CXADR: variants seen among roughly 807,000 people sequenced by gnomAD.
The protein encoded by CXADR is CXADR cell adhesion molecule, also known as coxsackievirus and adenovirus receptor.
In CXADR, 20 loss-of-function variants were observed where a neutral mutation model predicts 40.3. That is an observed-to-expected ratio of 0.50 (90% CI 0.35 to 0.72). The LOEUF (loss-of-function observed/expected upper bound fraction) is 0.72. CXADR is among the 30% of genes least tolerant of loss of function. The pLI, the probability that CXADR is intolerant of heterozygous loss-of-function variation, is 0.01. For missense variants in CXADR, 332 were observed against 449.1 expected, an observed-to-expected ratio of 0.74 and a Z score of 2.36; for synonymous variants, 150 against 161.3, an observed-to-expected ratio of 0.93 and a Z score of 0.53.
chr21:17,531,182 C>G (rs1461479275), intron 1 of CXADR, among the ~76,000 whole-genome samples: 1 of 151,910 alleles, frequency 6.6e-6, no homozygotes, highest in Non-Finnish European at 1.5e-5. Flanking sequence ...GCCTATAATC[C>G]CAGCTATTCA....
chr21:17,623,660 A>G, the CXADR span, among the ~76,000 whole-genome samples: 4 of 152,218 alleles, frequency 2.6e-5, no homozygotes, highest in Non-Finnish European at 5.9e-5. Context: ...CATTTCATAC[A>G]TAACATGTCC....
chr21:17,579,877 A>G (rs2123376976), intron 7 of CXADR, among the ~76,000 whole-genome samples: 1 of 138,464 alleles, frequency 7.2e-6, no homozygotes, highest in Non-Finnish European at 1.6e-5. Flanking sequence ...TTCCTGTTGT[A>G]TTTTATTAAA....
chr21:17,606,026 G>C, the CXADR span, among the ~76,000 whole-genome samples: 3 of 152,132 alleles, frequency 2.0e-5, no homozygotes, highest in Non-Finnish European at 4.4e-5. Flanking sequence ...TTATTAGTTG[G>C]TTTTAATTTC....
the CXADR span, among the ~76,000 whole-genome samples, chr21:17,622,471 G>A: frequency 6.6e-6 from 1 of 152,102 alleles, no homozygotes; most frequent in Non-Finnish European, 1.5e-5. Context: ...AAAAAGACAT[G>A]TCTATACCTA....
intron 7 of CXADR, among the ~76,000 whole-genome samples, chr21:17,578,839 A>G (rs1569153292): frequency 6.6e-6 from 1 of 152,122 alleles, no homozygotes; most frequent in African/African-American, 2.4e-5. Flanking sequence ...AAATTAAGAA[A>G]TCTAAGGAAG....
Position 17,513,170 on chromosome 21 carries a change from T to TG in CXADR, c.43+1dup, listed in dbSNP as rs768722434. 1.5e-6 allele frequency: 2 copies of TG among 1,363,036 alleles called. No homozygotes were observed. Among genetic ancestry groups the TG allele is most frequent in the South Asian group, 4.0e-5 (2 of 50,544 alleles). 84.4% of individuals were successfully genotyped at this position (1,363,036 alleles called of 1,614,324 possible). ...TGCTTCGTGCTCCTGTGCGGAGTAG[T>TG]GGGTGAGTAGGGGCCATGGGGTCCT... On this transcript the variant is annotated frameshift_variant and splice_region_variant, in exon 1 of 7. Transcript: ENST00000284878. LOFTEE classifies it high-confidence loss of function.
chr21:17,621,002 C>T, the CXADR span, among the ~76,000 whole-genome samples: 4 of 152,292 alleles, frequency 2.6e-5, no homozygotes, highest in Admixed American at 2.6e-4. Context: ...GGCAGAATTT[C>T]TTCTCTAAAA....
chr21:17,535,063 T>C (rs1026738188), intron 1 of CXADR, among the ~76,000 whole-genome samples: 2 of 151,720 alleles, frequency 1.3e-5, no homozygotes, highest in Admixed American at 1.3e-4. Context: ...ATTATAGGCA[T>C]GAGCCACCGC....
chr21:17,550,874 T>G (rs2060958611), intron 2 of CXADR, among the ~76,000 whole-genome samples: 1 of 152,262 alleles, frequency 6.6e-6, no homozygotes, highest in African/African-American at 2.4e-5. Flanking sequence ...AAAGGACTTG[T>G]TAACCTGGGT....
At chr21:17,600,454 G>A in the CXADR span, among the ~76,000 whole-genome samples, 23 of 152,118 alleles carry the variant, frequency 1.5e-4, no homozygotes, top group Admixed American at 1.0e-3. Context: ...GATAGCACTC[G>A]TCTCAAATTA....
chr21:17,630,905 AG>A, the CXADR span, among the ~76,000 whole-genome samples: 4 of 152,122 alleles, frequency 2.6e-5, no homozygotes. Context: ...GAAAAGAGGA[AG>A]GAAGTGCAGA....
At chr21:17,577,143 C>A (rs111574631) in intron 7 of CXADR, among the ~76,000 whole-genome samples, 1,934 of 151,632 alleles carry the variant, frequency 0.013, 40 homozygotes, top group African/African-American at 0.042. Context: ...CAGAGTGAGA[C>A]CCTGTCTCAA....
chr21:17,522,683 C>G (rs2060547022), intron 1 of CXADR, among the ~76,000 whole-genome samples: 1 of 152,202 alleles, frequency 6.6e-6, no homozygotes, highest in Admixed American at 6.5e-5. Context: ...TGAACAGTTT[C>G]TTTCTGCTCT....
At chr21:17,605,629 G>A in the CXADR span, among the ~76,000 whole-genome samples, 1 of 152,090 alleles carries the variant, frequency 6.6e-6, no homozygotes, top group Non-Finnish European at 1.5e-5. Flanking sequence ...TTAAATAGTT[G>A]TCAAAATTAA....
intron 7 of CXADR, among the ~76,000 whole-genome samples, chr21:17,578,820 T>C (rs941583178): frequency 5.3e-5 from 8 of 152,128 alleles, no homozygotes; most frequent in African/African-American, 9.7e-5. Context: ...AAAGACCTTG[T>C]CTTCAAAAAA....
At position 17,565,840 on chromosome 21, in the gene CXADR, T is replaced by A; in HGVS notation, c.*148T>A. On this transcript the variant is annotated 3_prime_UTR_variant, in exon 7 of 7. Transcript: ENST00000284878. ...ACTGTACGGAATATATTTTTAAAAA[T>A]TTTTGTTTGGTTATATCGAAATAGT... 7.6e-7 allele frequency: 1 copy of A among 1,320,250 alleles called. No individual in the cohort carries two copies. Among genetic ancestry groups the A allele is most frequent in the South Asian group, 2.7e-5 (1 of 36,898 alleles). The allele number at this position is 1,320,250 out of a possible 1,614,324, so 81.8% of individuals were successfully genotyped here.
intron 2 of CXADR, among the ~76,000 whole-genome samples, chr21:17,548,414 A>G (rs968860435): frequency 2.0e-5 from 3 of 152,142 alleles, no homozygotes; most frequent in Non-Finnish European, 2.9e-5. Context: ...CCCTGAGCAA[A>G]ATAAATCGGG....
chr21:17,542,487 G>T (rs888411364), intron 1 of CXADR, among the ~76,000 whole-genome samples: 6 of 152,154 alleles, frequency 3.9e-5, no homozygotes, highest in Admixed American at 2.6e-4. Context: ...TTGATGCTCA[G>T]ATATAAGTCA....
chr21:17,548,519 C>T (rs1264774799), intron 2 of CXADR, among the ~76,000 whole-genome samples: 2 of 152,222 alleles, frequency 1.3e-5, no homozygotes, highest in African/African-American at 4.8e-5. Flanking sequence ...GGTGCTGGCA[C>T]CTAGAGTACA....
Sources: allele counts gnomAD v4.1 joint callset (sites outside exome capture counted in the v4.1 genomes callset), GRCh38; gene constraint gnomAD v4.1.1; transcripts MANE v1.5; gene names NCBI Gene and HGNC (gene_info 2026-07-23, HGNC 2026-07-21).